The following AGBL4 variants were observed in gnomAD, a reference collection of about 807,000 sequenced individuals.
AGBL4 encodes cytosolic carboxypeptidase 6.
In AGBL4, 58 loss-of-function variants were observed where a neutral mutation model predicts 66.4. That is an observed-to-expected ratio of 0.87 (90% CI 0.71 to 1.09). The LOEUF (loss-of-function observed/expected upper bound fraction) is 1.09, where lower values mean the gene tolerates loss of function less well. Ranked by LOEUF, AGBL4 falls within the 50% of genes least tolerant of loss-of-function variation. AGBL4 has a pLI of 0.00. For synonymous variants in AGBL4, 234 were observed against 222.9 expected (o/e 1.05, Z -0.44); for missense variants, 579 against 631.0 (o/e 0.92, Z 0.88).
chr1:49,833,660 T>C (rs1645760365), intron 2 of AGBL4, among the ~76,000 whole-genome samples: 1 of 152,220 alleles, frequency 6.6e-6, no homozygotes, highest in Non-Finnish European at 1.5e-5. Flanking sequence ...GTATCTTCTT[T>C]AATTTCATTG....
intron 6 of AGBL4, among the ~76,000 whole-genome samples, chr1:48,677,914 A>G (rs1646392502): frequency 6.6e-6 from 1 of 152,232 alleles, no homozygotes; most frequent in South Asian, 2.1e-4. Context: ...GCTCATTGTT[A>G]GAGAGCTGGT....
chr1:48,938,601 A>G (rs1353398565), intron 5 of AGBL4, among the ~76,000 whole-genome samples: 1 of 152,152 alleles, frequency 6.6e-6, no homozygotes, highest in Non-Finnish European at 1.5e-5. Flanking sequence ...TGAGAAGCTG[A>G]TATTAGGGCA....
At chr1:48,999,277 A>C (rs1200016922) in intron 5 of AGBL4, among the ~76,000 whole-genome samples, 1 of 152,188 alleles carries the variant, frequency 6.6e-6, no homozygotes, top group Non-Finnish European at 1.5e-5. Flanking sequence ...TCACTGATGA[A>C]GAAGATGGCT....
chr1:48,953,474 C>T (rs1657169943), intron 5 of AGBL4, among the ~76,000 whole-genome samples: 1 of 152,164 alleles, frequency 6.6e-6, no homozygotes, highest in Non-Finnish European at 1.5e-5. Flanking sequence ...TTAGGTCACA[C>T]ATCTGTGCTC....
rs1166031786 is a variant in AGBL4 at position 48,539,689 on chromosome 1, C to T, written c.1317G>A (p.Arg439=). ...NVARTFLDYY[R]LNPVVEKVAI... is the part of the protein sequence containing the mutation. ...CCACCTTTTCAACCACGGGGTTCAGCCGATAATAGTCCAAAAAGGTTCTTG... is the reference window on the plus strand; with the variant it reads ...CCACCTTTTCAACCACGGGGTTCAGTCGATAATAGTCCAAAAAGGTTCTTG... Residue 439 remains arginine (R), a synonymous_variant, in exon 12 of 14, where the codon CGG becomes CGA. Transcript: ENST00000371839. 6.5e-6 allele frequency: 10 copies of T among 1,544,948 alleles called. No individual in the cohort carries two copies. The highest frequency in any genetic ancestry group is 8.8e-6 in the Non-Finnish European group (10 of 1,142,752).
intron 3 of AGBL4, among the ~76,000 whole-genome samples, chr1:49,416,491 G>A (rs1461812216): frequency 6.6e-6 from 1 of 152,082 alleles, no homozygotes; most frequent in Non-Finnish European, 1.5e-5. Context: ...AAATAATTAT[G>A]GGGTTGCCAT....
chr1:49,120,135 T>C (rs1192355792), intron 4 of AGBL4, among the ~76,000 whole-genome samples: 1 of 152,200 alleles, frequency 6.6e-6, no homozygotes, highest in Non-Finnish European at 1.5e-5. Context: ...CTATCCAATT[T>C]GCCAGTCTGT....
intron 3 of AGBL4, among the ~76,000 whole-genome samples, chr1:49,417,768 T>C (rs1645459283): frequency 6.6e-6 from 1 of 152,072 alleles, no homozygotes; most frequent in African/African-American, 2.4e-5. Flanking sequence ...TATAGCTGAG[T>C]TTTTTATTTG....
At chr1:49,665,933 T>C (rs908805150) in intron 3 of AGBL4, among the ~76,000 whole-genome samples, 1 of 151,580 alleles carries the variant, frequency 6.6e-6, no homozygotes, top group Admixed American at 6.6e-5. Flanking sequence ...TCTTAAGTTT[T>C]TTTTTTTTAA....
chr1:48,669,841 G>A (rs139141643), intron 6 of AGBL4, among the ~76,000 whole-genome samples: 8 of 152,248 alleles, frequency 5.3e-5, no homozygotes, highest in South Asian at 2.1e-4. Flanking sequence ...CCTCTGGGCC[G>A]TCCTGAGAAA....
chr1:49,665,363 C>T (rs1646344173), intron 3 of AGBL4, among the ~76,000 whole-genome samples: 1 of 152,082 alleles, frequency 6.6e-6, no homozygotes, highest in Non-Finnish European at 1.5e-5. Flanking sequence ...CAGTCCTGGG[C>T]TTGAAGCCCA....
intron 6 of AGBL4, among the ~76,000 whole-genome samples, chr1:48,728,818 T>G (rs1488576269): frequency 6.6e-6 from 1 of 152,242 alleles, no homozygotes; most frequent in Non-Finnish European, 1.5e-5. Context: ...CAACAGTGTA[T>G]GCAAGTAGTA....
chr1:49,767,013 C>CA (rs1652780035), intron 2 of AGBL4, among the ~76,000 whole-genome samples: 1 of 152,104 alleles, frequency 6.6e-6, no homozygotes, highest in Non-Finnish European at 1.5e-5. Flanking sequence ...TGGGAAACTT[C>CA]AACACCCCAC....
chr1:49,462,667 G>A (rs1357673800), intron 3 of AGBL4, among the ~76,000 whole-genome samples: 1 of 151,652 alleles, frequency 6.6e-6, no homozygotes, highest in Non-Finnish European at 1.5e-5. Context: ...ATGTTACAGG[G>A]TTACAAATGT....
intron 6 of AGBL4, among the ~76,000 whole-genome samples, chr1:48,845,950 T>C (rs1646899416): frequency 6.6e-6 from 1 of 152,224 alleles, no homozygotes. Context: ...AAGTGTTATG[T>C]GTTATCACTG....
chr1:49,188,191 A>T (rs1647049619), intron 4 of AGBL4, among the ~76,000 whole-genome samples: 1 of 152,118 alleles, frequency 6.6e-6, no homozygotes, highest in African/African-American at 2.4e-5. Context: ...ACGGGCTAAT[A>T]CACCCATTTT....
At chr1:49,020,608 G>A (rs1051527168) in intron 5 of AGBL4, among the ~76,000 whole-genome samples, 14 of 152,162 alleles carry the variant, frequency 9.2e-5, no homozygotes, top group Admixed American at 8.5e-4. Context: ...TGTCCTGGAG[G>A]AGGAGGGCTT....
chr1:49,211,161 T>C (rs1239944931), intron 4 of AGBL4, among the ~76,000 whole-genome samples: 1 of 152,136 alleles, frequency 6.6e-6, no homozygotes, highest in Non-Finnish European at 1.5e-5. Context: ...TTGCTTTTAT[T>C]AGTAGCTGTT....
At chr1:49,224,032 G>T (rs747060707) in intron 4 of AGBL4, among the ~76,000 whole-genome samples, 7 of 152,142 alleles carry the variant, frequency 4.6e-5, no homozygotes, top group Admixed American at 1.3e-4. Context: ...TATCATATCT[G>T]TTAAAGGAGA....
Sources: gnomAD v4.1 joint callset for allele counts (sites outside exome capture counted in the v4.1 genomes callset) on GRCh38, gnomAD v4.1.1 for gene constraint, MANE v1.5 for transcripts, NCBI Gene and HGNC (gene_info 2026-07-23, HGNC 2026-07-21) for gene names.